ARHGAP6: variants seen among roughly 807,000 people sequenced by gnomAD.
The protein encoded by ARHGAP6 is rho GTPase-activating protein 6.
In ARHGAP6, 16 loss-of-function variants were observed where a neutral mutation model predicts 55.7. The ratio of observed to expected loss-of-function variants is 0.29; its 90% CI spans 0.19 to 0.44. The LOEUF (loss-of-function observed/expected upper bound fraction) is 0.44. Among genes scored for constraint, ARHGAP6 ranks in the 20% least tolerant of loss-of-function variants. The probability of loss-of-function intolerance (pLI) is 1.00; values close to 1 mark genes in which losing one functional copy is unlikely to be tolerated. For missense variants in ARHGAP6, 698 were observed against 808.9 expected (o/e 0.86, Z 1.66); for synonymous variants, 382 against 360.9 (o/e 1.06, Z -0.66).
chrX:11,546,549 A>AT (rs1174468687), intron 1 of ARHGAP6, among the ~76,000 whole-genome samples: 6 of 110,959 alleles, frequency 5.4e-5, no homozygotes, highest in South Asian at 3.8e-4. Flanking sequence ...TGCCCATGCC[A>AT]TTTTTTTTCT....
intron 1 of ARHGAP6, among the ~76,000 whole-genome samples, chrX:11,656,425 T>C (rs1311678421): frequency 8.9e-6 from 1 of 112,233 alleles, no homozygotes; most frequent in African/African-American, 3.2e-5. Context: ...ACAACTGACA[T>C]ATTCTCTTAC....
At chrX:11,380,832 C>T (rs756306862) in intron 1 of ARHGAP6, among the ~76,000 whole-genome samples, 3 of 112,119 alleles carry the variant, frequency 2.7e-5, no homozygotes, top group African/African-American at 9.7e-5. Context: ...ACTAGTAGCA[C>T]CTCTCCAGGT....
intron 1 of ARHGAP6, among the ~76,000 whole-genome samples, chrX:11,369,446 C>A (rs2049119852): frequency 9.0e-6 from 1 of 110,646 alleles, no homozygotes; most frequent in Non-Finnish European, 1.9e-5. Flanking sequence ...TGACTTAGAG[C>A]CCAGCTATTA....
At chrX:11,188,573 A>G (rs1444233400) in intron 4 of ARHGAP6, among the ~76,000 whole-genome samples, 155 bp downstream of exon 4, 1 of 112,583 alleles carries the variant, frequency 8.9e-6, no homozygotes, top group East Asian at 2.8e-4. Flanking sequence ...GCAAGGTGCC[A>G]CGTGCCCAGT....
At chrX:11,407,752 GA>G (rs1360253327) in intron 1 of ARHGAP6, among the ~76,000 whole-genome samples, 2 of 111,562 alleles carry the variant, frequency 1.8e-5, no homozygotes, top group African/African-American at 6.5e-5. Flanking sequence ...TAAAGATTTT[GA>G]GCATGTTTTC....
intron 1 of ARHGAP6, among the ~76,000 whole-genome samples, chrX:11,309,939 C>T (rs2048277963): frequency 9.1e-6 from 1 of 110,131 alleles, no homozygotes; most frequent in Admixed American, 9.7e-5. Context: ...ATCACTTGAG[C>T]TCAGGAGTTC....
chrX:11,285,188 T>C (rs1167317465), intron 1 of ARHGAP6, among the ~76,000 whole-genome samples: 22 of 103,948 alleles, frequency 2.1e-4, no homozygotes, highest in Non-Finnish European at 3.9e-4. Context: ...TTTCCAAACA[T>C]TTTGCTCTTA....
At chrX:11,302,020 G>A (rs1206699267) in intron 1 of ARHGAP6, among the ~76,000 whole-genome samples, 1 of 112,327 alleles carries the variant, frequency 8.9e-6, no homozygotes, top group Admixed American at 9.4e-5. Context: ...ACAGAGGAAT[G>A]TTTCAAACCA....
chrX:11,476,931 C>G (rs900876271), intron 1 of ARHGAP6, among the ~76,000 whole-genome samples: 3 of 110,334 alleles, frequency 2.7e-5, no homozygotes, highest in African/African-American at 9.8e-5. Context: ...TCTTAAGATA[C>G]AAGAAAAACC....
chrX:11,649,164 TC>T (rs2052559942), intron 1 of ARHGAP6, among the ~76,000 whole-genome samples: 1 of 111,510 alleles, frequency 9.0e-6, no homozygotes, highest in African/African-American at 3.3e-5. Flanking sequence ...AGACCAACAT[TC>T]AGTGAAGAAG....
chrX:11,205,545 C>A (rs1460429357), intron 2 of ARHGAP6, among the ~76,000 whole-genome samples: 4 of 112,093 alleles, frequency 3.6e-5, no homozygotes, highest in Admixed American at 9.5e-5. Flanking sequence ...ATAACTCACA[C>A]AGACCCTGAA....
chrX:11,325,239 T>A (rs1372891404), intron 1 of ARHGAP6, among the ~76,000 whole-genome samples: 1 of 112,293 alleles, frequency 8.9e-6, no homozygotes, highest in African/African-American at 3.2e-5. Flanking sequence ...CTGCATTGTT[T>A]AATGATAATA....
chrX:11,303,750 T>C (rs2048200026), intron 1 of ARHGAP6, among the ~76,000 whole-genome samples: 1 of 111,627 alleles, frequency 9.0e-6, no homozygotes, highest in African/African-American at 3.3e-5. Flanking sequence ...GGCTTTCCAG[T>C]GTGATGGTAG....
In ARHGAP6 at chrX:11,274,535, T is replaced by C. The variant is rs768180319; in HGVS notation, c.589-19828A>G. On this transcript the variant is annotated intron_variant, in intron 1 of 12. Transcript: ENST00000337414. ...CACTGAAAAGAAATCACCAGATATA[T>C]GACATAGGGGATGACAATGTTCACA... 1.4e-3 allele frequency among the ~76,000 whole-genome samples: 152 copies of C among 112,148 alleles called. 1 individual carries two copies. The highest frequency in any genetic ancestry group is 2.6e-3 in the Non-Finnish European group (136 of 53,171).
Position 11,559,630 on chromosome X carries a change from A to G in ARHGAP6, c.588+104611T>C, listed in dbSNP as rs756908399. ...AGGCAGTTTAATAACTGTCTGTTCA[A>G]CAAATAAAGTAGGAGGGCCGGGCGC... On this transcript the variant is annotated intron_variant, in intron 1 of 12. Coordinates refer to ENST00000337414, the MANE Select transcript of ARHGAP6 (RefSeq NM_013427.3). 8.9e-5 allele frequency among the ~76,000 whole-genome samples: 10 copies of G among 111,780 alleles called. No homozygotes were observed. The South Asian group carries it at 3.4e-3, about 38-fold the overall frequency.
chrX:11,608,018 T>A (rs1006503437), intron 1 of ARHGAP6, among the ~76,000 whole-genome samples: 1 of 112,526 alleles, frequency 8.9e-6, no homozygotes, highest in African/African-American at 3.2e-5. Context: ...CAGATTATTA[T>A]TTAAGAATGT....
intron 2 of ARHGAP6, among the ~76,000 whole-genome samples, chrX:11,228,613 G>A (rs1485210542): frequency 2.7e-5 from 3 of 111,861 alleles, no homozygotes; most frequent in Non-Finnish European, 5.6e-5. Flanking sequence ...AAATTGTGTC[G>A]GAGACCATAA....
At chrX:11,209,203 G>A (rs773260496) in intron 2 of ARHGAP6, among the ~76,000 whole-genome samples, 9 of 112,373 alleles carry the variant, frequency 8.0e-5, no homozygotes, top group Non-Finnish European at 1.5e-4. Flanking sequence ...GTGCAGCGGC[G>A]TAATCGAGGC....
intron 1 of ARHGAP6, among the ~76,000 whole-genome samples, chrX:11,506,200 A>G (rs1199691265): frequency 9.0e-6 from 1 of 111,054 alleles, no homozygotes; most frequent in Non-Finnish European, 1.9e-5. Context: ...TTACATTAGC[A>G]TTATCTGAGT....
Sources: gnomAD v4.1 joint callset for allele counts (sites outside exome capture counted in the v4.1 genomes callset) on GRCh38, gnomAD v4.1.1 for gene constraint, MANE v1.5 for transcripts, NCBI Gene and HGNC (gene_info 2026-07-23, HGNC 2026-07-21) for gene names.